Variants in TRIOBP observed in about 807,000 individuals in gnomAD.
The protein encoded by TRIOBP is TRIO and F-actin-binding protein.
In TRIOBP, 169 loss-of-function variants were observed where a neutral mutation model predicts 238.8. The ratio of observed to expected loss-of-function variants is 0.71; its 90% CI spans 0.62 to 0.80. The LOEUF is 0.80. Among genes scored for constraint, TRIOBP ranks in the 30% least tolerant of loss-of-function variants. The pLI is 0.00. For synonymous variants in TRIOBP, 1,150 were observed against 1,274.4 expected (o/e 0.90, Z 2.08); for missense variants, 2,838 against 3,122.6 (o/e 0.91, Z 2.17).
At chr22:37,718,596 C>T (rs1485086148) in intron 6 of TRIOBP, among the ~76,000 whole-genome samples, 1 of 152,132 alleles carries the variant, frequency 6.6e-6, no homozygotes, top group Non-Finnish European at 1.5e-5. Flanking sequence ...AATCCCTTCC[C>T]TTCTAAATCG....
At chr22:37,708,420 G>A (rs1265037892) in intron 3 of TRIOBP, among the ~76,000 whole-genome samples, 1 of 152,058 alleles carries the variant, frequency 6.6e-6, no homozygotes, top group African/African-American at 2.4e-5. Context: ...GCATGGTGTC[G>A]GGCACCTGTA....
At chr22:37,753,210 CAA>C (rs1264503639) in intron 12 of TRIOBP, among the ~76,000 whole-genome samples, 1 of 152,216 alleles carries the variant, frequency 6.6e-6, no homozygotes, top group African/African-American at 2.4e-5. Flanking sequence ...GCCATCCACA[CAA>C]GAGAGGATGG....
intron 3 of TRIOBP, among the ~76,000 whole-genome samples, chr22:37,706,214 G>A (rs927892917): frequency 2.5e-4 from 38 of 152,104 alleles, no homozygotes; most frequent in African/African-American, 8.9e-4. Context: ...TGGGGTGTCG[G>A]CAGGATACAG....
intron 7 of TRIOBP, among the ~76,000 whole-genome samples, chr22:37,727,294 G>A (rs1601634453): frequency 6.7e-6 from 1 of 148,772 alleles, no homozygotes; most frequent in Admixed American, 6.8e-5. Context: ...GAAGAAGAAA[G>A]TACCCATGAT....
chr22:37,710,102 G>A (rs1923157735), intron 3 of TRIOBP, among the ~76,000 whole-genome samples: 2 of 152,234 alleles, frequency 1.3e-5, no homozygotes, highest in Admixed American at 6.5e-5. Flanking sequence ...GTGTACCCGC[G>A]GGACCTGCGT....
chr22:37,716,699 C>T (rs1923538197), intron 6 of TRIOBP, among the ~76,000 whole-genome samples: 1 of 152,180 alleles, frequency 6.6e-6, no homozygotes, highest in African/African-American at 2.4e-5. Context: ...CTGGCCTTAG[C>T]CAAGGAGTTT....
At chr22:37,744,959 G>A (rs987447547) in intron 11 of TRIOBP, among the ~76,000 whole-genome samples, 4 of 151,884 alleles carry the variant, frequency 2.6e-5, no homozygotes, top group African/African-American at 7.3e-5. Flanking sequence ...TCTGCCTCCC[G>A]GGTTCAAGCG....
intron 11 of TRIOBP, among the ~76,000 whole-genome samples, chr22:37,743,127 T>A (rs532991050): frequency 6.6e-6 from 1 of 152,242 alleles, no homozygotes; most frequent in African/African-American, 2.4e-5. Context: ...AACCGAGGCT[T>A]GGTGAGGTTG....
intron 22 of TRIOBP, among the ~76,000 whole-genome samples, chr22:37,772,175 A>G (rs1040226933): frequency 8.5e-5 from 13 of 152,126 alleles, no homozygotes; most frequent in East Asian, 3.9e-4. Context: ...CTTGGCTGCT[A>G]TGTCACTGCC....
At position 37,746,312 on chromosome 22, in the gene TRIOBP, GGGC is replaced by G. The variant is rs953748818; in HGVS notation, c.5322+5301_5322+5303del. 2.3e-3 allele frequency: 2,479 copies of G among 1,096,350 alleles called. No individual in the cohort carries two copies. The highest frequency in any genetic ancestry group is 0.013 in the East Asian group (276 of 21,138). The allele number at this position is 1,096,350 out of a possible 1,614,324, so 67.9% of individuals were successfully genotyped here. On this transcript the variant is annotated intron_variant, in intron 11 of 23. Coordinates refer to ENST00000644935, the MANE Select transcript of TRIOBP (RefSeq NM_001039141.3). ...AGGCGCGGCGGCGGGCGGCCGAGAGGGGCGGCGGCGGCGGCGGCGGCGGGGTTC... is the reference window on the plus strand; with the variant it reads ...AGGCGCGGCGGCGGGCGGCCGAGAGGGGCGGCGGCGGCGGCGGCGGGGTTC...
Position 37,723,952 on chromosome 22 carries a change from ACCT to A in TRIOBP, c.1401_1403del (p.Ser468del). On this transcript the variant is annotated inframe_deletion, in exon 7 of 24. Coordinates refer to ENST00000644935, the MANE Select transcript of TRIOBP (RefSeq NM_001039141.3). ...GCGGGACAATCCCAGAGCCTCCAGAACCTCCTCTCCCAATAGAGCCACACGAGA... is the reference window on the plus strand; with the variant it reads ...GCGGGACAATCCCAGAGCCTCCAGAACCTCTCCCAATAGAGCCACACGAGA... 6.5e-7 allele frequency: 1 copy of A among 1,529,784 alleles called. No homozygotes were observed. 94.8% of individuals were successfully genotyped at this position (1,529,784 alleles called of 1,614,324 possible).
intron 19 of TRIOBP, 131 bp from the exon 20 acceptor site, chr22:37,768,897 C>A: frequency 1.6e-6 from 2 of 1,275,546 alleles, no homozygotes; most frequent in Non-Finnish European, 2.3e-6. Context: ...TTCACAGCCC[C>A]ACAGCAGGCT....
chr22:37,751,363 G>A (rs544814323), intron 11 of TRIOBP: 12 of 339,812 alleles, frequency 3.5e-5, no homozygotes, highest in East Asian at 1.6e-4. Flanking sequence ...CTTGGTCCTC[G>A]TCAGAGGGAG....
At chr22:37,708,551 C>CA (rs1042716271) in intron 3 of TRIOBP, among the ~76,000 whole-genome samples, 18 of 150,516 alleles carry the variant, frequency 1.2e-4, no homozygotes, top group African/African-American at 1.5e-4. Flanking sequence ...GACTCTGTCT[C>CA]AAAAAAAAAG....
rs749892537 is a variant in TRIOBP at position 37,724,442 on chromosome 22, C to T, written c.1886C>T (p.Ala629Val). 3 of 1,612,656 alleles carry T rather than the reference C, an allele frequency of 1.9e-6. No individual in the cohort carries two copies. In the East Asian group the frequency reaches 6.7e-5, roughly 36 times the overall value. The stretch of plus-strand genomic sequence containing the variant: ...CGAGATAACCCCAGAACATCCTGTG[C>T]CCAGCGGGACAATCCCAGAGCCTCC... ...ATRDNPRTSC[A>V]QRDNPRASSP... The change falls in exon 7 of 24, where the codon GCC (alanine) becomes GTC (valine). Residue 629 changes from alanine (A) to valine (V), a missense_variant. Coordinates refer to ENST00000644935, the MANE Select transcript of TRIOBP (RefSeq NM_001039141.3).
Position 37,769,377 on chromosome 22 carries a change from T to G in TRIOBP, c.6849+2T>G, listed in dbSNP as rs1601669836. ...GAGCGGAGTTCCTGCGAGCTAGAGGTGAGTGTCCTCACTAGCACCAGGCAG... is the reference window on the plus strand; with the variant it reads ...GAGCGGAGTTCCTGCGAGCTAGAGGGGAGTGTCCTCACTAGCACCAGGCAG... On this transcript the variant is annotated splice_donor_variant, in intron 21 of 23. Coordinates refer to ENST00000644935, the MANE Select transcript of TRIOBP (RefSeq NM_001039141.3). LOFTEE classifies it high-confidence loss of function. 1 of 1,598,794 alleles carries G rather than the reference T, an allele frequency of 6.3e-7. No individual in the cohort carries two copies. The highest frequency in any genetic ancestry group is 8.5e-7 in the Non-Finnish European group (1 of 1,175,052).
intron 11 of TRIOBP, among the ~76,000 whole-genome samples, chr22:37,746,956 G>GGCAGTCCCGGGAC (rs1389546675): frequency 6.6e-6 from 1 of 152,238 alleles, no homozygotes; most frequent in Non-Finnish European, 1.5e-5. Flanking sequence ...CAGCCCGGGA[G>GGCAGTCCCGGGAC]GCAGTCCCGG....
chr22:37,708,013 G>T (rs1409808297), intron 3 of TRIOBP, among the ~76,000 whole-genome samples: 1 of 150,590 alleles, frequency 6.6e-6, no homozygotes, highest in Middle Eastern at 3.2e-3. Flanking sequence ...TTGGGAGGCC[G>T]AGGCGGGCGG....
chr22:37,702,632 CTCTT>C (rs1168808608), intron 3 of TRIOBP, among the ~76,000 whole-genome samples: 9 of 133,056 alleles, frequency 6.8e-5, no homozygotes, highest in African/African-American at 2.7e-4. Context: ...CTTTCTCTCT[CTCTT>C]TTTTTTTTTT....
Sources: allele counts gnomAD v4.1 joint callset (sites outside exome capture counted in the v4.1 genomes callset), GRCh38; gene constraint gnomAD v4.1.1; transcripts MANE v1.5; gene names NCBI Gene and HGNC (gene_info 2026-07-23, HGNC 2026-07-21).